CORIN: variants seen among roughly 807,000 people sequenced by gnomAD.
The protein encoded by CORIN is atrial natriuretic peptide-converting enzyme.
CORIN carries 117 observed loss-of-function variants against 125.3 expected under a neutral mutation model. That is an observed-to-expected ratio of 0.93 (90% CI 0.80 to 1.09). The LOEUF is 1.09. Among genes scored for constraint, CORIN ranks in the 50% least tolerant of loss-of-function variants. CORIN has a pLI of 0.00. For synonymous variants in CORIN, 450 were observed against 466.4 expected (o/e 0.96, Z 0.45); for missense variants, 1,253 against 1,306.7 (o/e 0.96, Z 0.63).
intron 2 of CORIN, chr4:47,790,189 T>TAA (rs1731011216): frequency 1.0e-6 from 1 of 984,638 alleles, no homozygotes; most frequent in Non-Finnish European, 1.2e-6. Context: ...GACAAAGTCT[T>TAA]AACTGCCATA....
At chr4:47,803,819 A>G (rs1731651038) in intron 2 of CORIN, among the ~76,000 whole-genome samples, 1 of 152,226 alleles carries the variant, frequency 6.6e-6, no homozygotes, top group Non-Finnish European at 1.5e-5. Flanking sequence ...GTCATACCAC[A>G]CAAGCACAGG....
intron 3 of CORIN, among the ~76,000 whole-genome samples, chr4:47,774,673 T>C (rs1042942926): frequency 6.6e-6 from 1 of 152,190 alleles, no homozygotes; most frequent in Non-Finnish European, 1.5e-5. Flanking sequence ...TCCTGACCTT[T>C]CTGGCTAGTA....
At chr4:47,777,352 G>T (rs1730344621) in intron 3 of CORIN, among the ~76,000 whole-genome samples, 1 of 152,124 alleles carries the variant, frequency 6.6e-6, no homozygotes, top group Admixed American at 6.5e-5. Context: ...TCAAACACTG[G>T]CCAGGCGCGG....
intron 4 of CORIN, among the ~76,000 whole-genome samples, chr4:47,757,144 AAGAAAAATATATTTGACTTT>A (rs1729185812): frequency 6.6e-6 from 1 of 151,970 alleles, no homozygotes; most frequent in African/African-American, 2.4e-5. Context: ...TGAAATATAA[AAGAAAAATATATTTGACTTT>A]AGAATTTTTT....
chr4:47,686,671 G>T lies in CORIN; in HGVS notation c.914-2833C>A, dbSNP rs116599261. On this transcript the variant is annotated intron_variant, in intron 6 of 21. Transcript: ENST00000273857. ...TTTTGTCTTAATCTAAATTACTCTT[G>T]TGGGAAGTTTTGAGTCAACATGCTA... is the stretch of plus-strand genomic sequence containing the variant. Among the ~76,000 whole-genome samples, 263 of 152,252 alleles carry T rather than the reference G, an allele frequency of 1.7e-3. 2 individuals are homozygous for T. The highest frequency in any genetic ancestry group is 5.7e-3 in the African/African-American group (236 of 41,540).
At chr4:47,805,145 AAAAAAT>A (rs1335745855) in intron 2 of CORIN, among the ~76,000 whole-genome samples, 11 of 144,234 alleles carry the variant, frequency 7.6e-5, no homozygotes, top group East Asian at 2.0e-4. Context: ...CAAAAAAAAA[AAAAAAT>A]AATAATAATA....
intron 19 of CORIN, among the ~76,000 whole-genome samples, chr4:47,607,939 T>C: frequency 7.9e-6 from 1 of 126,942 alleles, no homozygotes; most frequent in South Asian, 2.5e-4. Flanking sequence ...AGGGCTAGAC[T>C]CCATCTCAAA....
At chr4:47,621,555 T>A (rs555894297) in intron 19 of CORIN, among the ~76,000 whole-genome samples, 92 of 152,360 alleles carry the variant, frequency 6.0e-4, no homozygotes, top group Non-Finnish European at 4.0e-4. Flanking sequence ...TTGTTTTGTT[T>A]TGCTACAAAT....
intron 5 of CORIN, among the ~76,000 whole-genome samples, chr4:47,716,671 T>C (rs1473241580): frequency 6.6e-6 from 1 of 152,174 alleles, no homozygotes; most frequent in Non-Finnish European, 1.5e-5. Context: ...GATGACTTTT[T>C]CTACTTGTAT....
intron 12 of CORIN, chr4:47,661,509 T>C: frequency 2.0e-6 from 1 of 510,498 alleles, no homozygotes; most frequent in Non-Finnish European, 3.4e-6. Context: ...ACTTCTTTAT[T>C]TTTAAAATGA....
At chr4:47,684,168 G>A (rs1441977936) in intron 6 of CORIN, among the ~76,000 whole-genome samples, 2 of 152,182 alleles carry the variant, frequency 1.3e-5, no homozygotes. Context: ...TGTTCATGCA[G>A]AATAGACTTT....
chr4:47,780,096 A>T (rs1730472912), intron 3 of CORIN, among the ~76,000 whole-genome samples: 1 of 152,228 alleles, frequency 6.6e-6, no homozygotes. Flanking sequence ...AGTCATTATA[A>T]CAATAGATTA....
intron 6 of CORIN, among the ~76,000 whole-genome samples, chr4:47,688,470 C>T (rs1022360256): frequency 6.6e-6 from 1 of 152,024 alleles, no homozygotes; most frequent in Non-Finnish European, 1.5e-5. Context: ...GGCGTGGTGG[C>T]TCACGCCTGT....
intron 10 of CORIN, among the ~76,000 whole-genome samples, chr4:47,668,566 A>T (rs930773691): frequency 6.6e-6 from 1 of 152,082 alleles, no homozygotes; most frequent in African/African-American, 2.4e-5. Context: ...AATTTTACAC[A>T]ATTGGTTCAC....
chr4:47,678,465 A>G (rs1416692117), intron 8 of CORIN, among the ~76,000 whole-genome samples: 2 of 152,248 alleles, frequency 1.3e-5, no homozygotes, highest in East Asian at 3.8e-4. Flanking sequence ...GTACTTGCTC[A>G]AAGTCCCATG....
chr4:47,699,180 T>A (rs1726173679), intron 5 of CORIN, among the ~76,000 whole-genome samples: 1 of 152,166 alleles, frequency 6.6e-6, no homozygotes, highest in African/African-American at 2.4e-5. Flanking sequence ...TTTCAAACTT[T>A]CTTTTGAAAA....
chr4:47,760,142 A>G (rs1729378324), intron 4 of CORIN, among the ~76,000 whole-genome samples: 1 of 152,226 alleles, frequency 6.6e-6, no homozygotes. Flanking sequence ...TATTTCTGAA[A>G]TAATAAGACT....
intron 19 of CORIN, among the ~76,000 whole-genome samples, chr4:47,617,117 C>T (rs1722094381): frequency 6.6e-6 from 1 of 152,050 alleles, no homozygotes; most frequent in Non-Finnish European, 1.5e-5. Context: ...TAAAGGATGA[C>T]AAAGATTTGG....
At chr4:47,675,240 C>T (rs1284335244) in intron 9 of CORIN, among the ~76,000 whole-genome samples, 3 of 152,200 alleles carry the variant, frequency 2.0e-5, no homozygotes, top group Non-Finnish European at 2.9e-5. Context: ...CTCTCTCCCC[C>T]ATTACGATCA....
Sources: gnomAD v4.1 joint callset for allele counts (sites outside exome capture counted in the v4.1 genomes callset) on GRCh38, gnomAD v4.1.1 for gene constraint, MANE v1.5 for transcripts, NCBI Gene and HGNC (gene_info 2026-07-23, HGNC 2026-07-21) for gene names.